The following STXBP5L variants were observed in gnomAD, a reference collection of about 807,000 sequenced individuals.
STXBP5L encodes the protein syntaxin-binding protein 5-like.
A neutral mutation model predicts 144.5 loss-of-function variants in STXBP5L; 65 were observed. That is an observed-to-expected ratio of 0.45 (90% confidence interval 0.37 to 0.55). STXBP5L has a LOEUF of 0.55. Among genes scored for constraint, STXBP5L ranks in the 20% least tolerant of loss-of-function variants. The pLI, the probability that STXBP5L is intolerant of heterozygous loss-of-function variation, is 0.00. For synonymous variants in STXBP5L, 505 were observed against 469.6 expected, an observed-to-expected ratio of 1.08 and a Z score of -0.97; for missense variants, 1,298 against 1,405.5, an observed-to-expected ratio of 0.92 and a Z score of 1.22.
At chr3:121,050,911 C>CA (rs1204288900) in intron 5 of STXBP5L, among the ~76,000 whole-genome samples, 4 of 151,102 alleles carry the variant, frequency 2.6e-5, no homozygotes, top group South Asian at 2.1e-4. Flanking sequence ...AAATGGAAAA[C>CA]AAAAAAAAGC....
At position 121,407,382 on chromosome 3, in the gene STXBP5L, GGTAA is replaced by G; in HGVS notation, c.2728_2731del (p.Val910Ter). 1 of 1,612,996 alleles carries G rather than the reference GGTAA, an allele frequency of 6.2e-7. No individual in the cohort carries two copies. The highest frequency in any genetic ancestry group is 8.5e-7 in the Non-Finnish European group (1 of 1,179,342). ...ATGAAAAATCTTGGAGAAGGAAAGT[GGTAA>G]TGAACTCATCTTCTGCATCCCAAGA... On this transcript the variant is annotated frameshift_variant, in exon 23 of 27. Coordinates refer to ENST00000471454, the MANE Select transcript of STXBP5L (RefSeq NM_001308330.2). LOFTEE classifies it high-confidence loss of function.
At chr3:121,331,520 C>G (rs911766592) in intron 20 of STXBP5L, among the ~76,000 whole-genome samples, 42 of 152,190 alleles carry the variant, frequency 2.8e-4, no homozygotes, top group African/African-American at 9.6e-4. Flanking sequence ...AGGTGCCTGT[C>G]TAATCTGAAT....
intron 6 of STXBP5L, among the ~76,000 whole-genome samples, chr3:121,115,576 T>A (rs1331434935): frequency 6.6e-6 from 1 of 152,186 alleles, no homozygotes; most frequent in Admixed American, 6.6e-5. Context: ...TCTGTACATG[T>A]GAAATGTGAA....
intron 9 of STXBP5L, among the ~76,000 whole-genome samples, chr3:121,174,121 G>A (rs1201671100): frequency 6.6e-6 from 1 of 152,050 alleles, no homozygotes; most frequent in African/African-American, 2.4e-5. Context: ...AATTATTTCA[G>A]AGTTGTAGTG....
At chr3:121,346,613 G>C (rs1033909237) in intron 20 of STXBP5L, among the ~76,000 whole-genome samples, 1 of 152,108 alleles carries the variant, frequency 6.6e-6, no homozygotes, top group Non-Finnish European at 1.5e-5. Context: ...TCCAGCATCT[G>C]TTGTTTCCTG....
At chr3:121,050,216 G>A (rs755787115) in intron 5 of STXBP5L, among the ~76,000 whole-genome samples, 2 of 151,970 alleles carry the variant, frequency 1.3e-5, no homozygotes, top group Non-Finnish European at 2.9e-5. Context: ...CTTCTACTCA[G>A]CTATCTCACG....
intron 22 of STXBP5L, among the ~76,000 whole-genome samples, chr3:121,384,857 C>G (rs2046392410): frequency 6.6e-6 from 1 of 151,772 alleles, no homozygotes; most frequent in Non-Finnish European, 1.5e-5. Context: ...TCATTTCCTC[C>G]CCTAGGAATT....
rs774339284 is a variant in STXBP5L at position 121,115,019 on chromosome 3, C to T, written c.565C>T (p.Leu189Phe). 25 of 1,601,972 alleles carry T rather than the reference C, an allele frequency of 1.6e-5. No individual in the cohort carries two copies. Among genetic ancestry groups the T allele is most frequent in the South Asian group, 2.3e-5 (2 of 87,896 alleles). ...THIVNIESFI[L>F]SGYVIMWNKA... ...TATTGTAAATATTGAATCTTTCATT[C>T]TTTCTGGATATGTTATCATGTGGAA... Residue 189 changes from leucine (L) to phenylalanine (F), a missense_variant, in exon 6 of 27, where the codon CTT (leucine) becomes TTT (phenylalanine). Coordinates refer to ENST00000471454, the MANE Select transcript of STXBP5L (RefSeq NM_001308330.2).
At chr3:121,313,371 G>T (rs1391118565) in intron 19 of STXBP5L, among the ~76,000 whole-genome samples, 1 of 135,310 alleles carries the variant, frequency 7.4e-6, no homozygotes, top group Non-Finnish European at 1.6e-5. Flanking sequence ...TCCCGGACTG[G>T]GCGGCTGGCC....
rs769294093 is a variant in STXBP5L, at chr3:121,233,613, T to C, written c.1112-3T>C. On this transcript the variant is annotated splice_region_variant and splice_polypyrimidine_tract_variant and intron_variant, in intron 11 of 26. Coordinates refer to ENST00000471454, the MANE Select transcript of STXBP5L (RefSeq NM_001308330.2). ...ACTTTTCATTTTTTATTTTTACTTG[T>C]AGAATTTCAAGAACCCTATGCTGTC... is the stretch of plus-strand genomic sequence containing the variant. 1.9e-6 allele frequency: 3 copies of C among 1,606,588 alleles called. No individual in the cohort carries two copies. The highest frequency in any genetic ancestry group is 2.5e-6 in the Non-Finnish European group (3 of 1,176,972).
intron 19 of STXBP5L, among the ~76,000 whole-genome samples, chr3:121,310,114 A>T (rs2043475085): frequency 6.6e-6 from 1 of 152,258 alleles, no homozygotes; most frequent in Admixed American, 6.5e-5. Flanking sequence ...AACTGGGCAA[A>T]CAAATAGGAG....
At chr3:121,072,964 G>T (rs2041868867) in intron 5 of STXBP5L, among the ~76,000 whole-genome samples, 1 of 152,322 alleles carries the variant, frequency 6.6e-6, no homozygotes, top group South Asian at 2.1e-4. Flanking sequence ...TAAGAGCAAT[G>T]CTCTAGTGAG....
chr3:121,095,169 C>G (rs540315336), intron 5 of STXBP5L, among the ~76,000 whole-genome samples: 1 of 152,182 alleles, frequency 6.6e-6, no homozygotes, highest in Non-Finnish European at 1.5e-5. Context: ...GTTAGTCTGA[C>G]GAGCTTCCCT....
At chr3:121,365,792 G>A (rs2045848688) in intron 20 of STXBP5L, among the ~76,000 whole-genome samples, 1 of 150,612 alleles carries the variant, frequency 6.6e-6, no homozygotes, top group African/African-American at 2.4e-5. Context: ...TAATGTTTAT[G>A]TTTTCTGTTA....
intron 5 of STXBP5L, among the ~76,000 whole-genome samples, chr3:121,072,620 GT>G (rs1360551640): frequency 6.6e-6 from 1 of 152,186 alleles, no homozygotes; most frequent in Non-Finnish European, 1.5e-5. Flanking sequence ...TAGTTAGGGA[GT>G]TCTGTTAGGG....
At chr3:121,217,085 A>C (rs2048803479) in intron 10 of STXBP5L, among the ~76,000 whole-genome samples, 1 of 152,130 alleles carries the variant, frequency 6.6e-6, no homozygotes, top group South Asian at 2.1e-4. Context: ...TGGCAGCGAG[A>C]ATTTCAAACC....
intron 2 of STXBP5L, among the ~76,000 whole-genome samples, chr3:120,919,068 G>A (rs1319052926): frequency 6.6e-6 from 1 of 152,078 alleles, no homozygotes; most frequent in African/African-American, 2.4e-5. Flanking sequence ...TATAGGATAG[G>A]CTTTGCTGAG....
chr3:120,931,350 A>G (rs919209241), intron 2 of STXBP5L, among the ~76,000 whole-genome samples: 22 of 152,172 alleles, frequency 1.4e-4, no homozygotes, highest in African/African-American at 4.8e-4. Flanking sequence ...GCCTTTAGCT[A>G]TTAGTGTGGT....
chr3:121,234,188 T>G (rs1297039622), intron 12 of STXBP5L, among the ~76,000 whole-genome samples: 2 of 152,136 alleles, frequency 1.3e-5, no homozygotes, highest in Non-Finnish European at 2.9e-5. Flanking sequence ...CTCCACTCCT[T>G]TACATTGTCA....
Sources: gnomAD v4.1 joint callset for allele counts (sites outside exome capture counted in the v4.1 genomes callset) on GRCh38, gnomAD v4.1.1 for gene constraint, MANE v1.5 for transcripts, NCBI Gene and HGNC (gene_info 2026-07-23, HGNC 2026-07-21) for gene names.